RNFT2: variants seen among roughly 807,000 people sequenced by gnomAD.
The protein encoded by RNFT2 is ring finger protein, transmembrane 2, also known as E3 ubiquitin-protein ligase RNFT2.
Under a neutral mutation model 53.0 loss-of-function variants are expected in RNFT2, and 36 were observed. The ratio of observed to expected loss-of-function variants is 0.68; its 90% CI spans 0.52 to 0.90. The LOEUF is 0.90. Among genes scored for constraint, RNFT2 ranks in the 40% least tolerant of loss-of-function variants. The pLI is 0.00. For synonymous variants in RNFT2, 260 were observed against 253.2 expected, an observed-to-expected ratio of 1.03 and a Z score of -0.26; for missense variants, 514 against 585.6, an observed-to-expected ratio of 0.88 and a Z score of 1.26.
intron 7 of RNFT2, among the ~76,000 whole-genome samples, chr12:116,800,468 C>A (rs982631937): frequency 7.4e-5 from 11 of 148,512 alleles, no homozygotes; most frequent in African/African-American, 2.7e-4. Flanking sequence ...CTTTTCTCTA[C>A]TATAAATATA....
intron 7 of RNFT2, among the ~76,000 whole-genome samples, chr12:116,816,563 C>T (rs1407223984): frequency 6.6e-6 from 1 of 152,096 alleles, no homozygotes. Context: ...TAGTGAGTGT[C>T]CAGTTATCTA....
chr12:116,833,387 C>G (rs116353608), intron 7 of RNFT2, among the ~76,000 whole-genome samples: 1 of 152,340 alleles, frequency 6.6e-6, no homozygotes, highest in South Asian at 2.1e-4. Flanking sequence ...CTGTGATGCT[C>G]GAGTCAGCCC....
intron 3 of RNFT2, among the ~76,000 whole-genome samples, chr12:116,741,888 C>A (rs181481118): frequency 6.6e-6 from 1 of 152,086 alleles, no homozygotes; most frequent in South Asian, 2.1e-4. Flanking sequence ...TGGGCTCAAG[C>A]GATCTTCCTA....
intron 7 of RNFT2, among the ~76,000 whole-genome samples, chr12:116,832,898 C>CTTTTTTTTTT (rs71095601): frequency 2.4e-5 from 2 of 84,776 alleles, no homozygotes; most frequent in Non-Finnish European, 4.1e-5. Context: ...AAGTCGTGTT[C>CTTTTTTTTTT]TTTTTTTTTT....
chr12:116,755,885 T>C (rs1053008867), intron 5 of RNFT2: 1 of 1,473,802 alleles, frequency 6.8e-7, no homozygotes, highest in Non-Finnish European at 9.4e-7. Flanking sequence ...TTTGGCGAAT[T>C]ACTAGAAGAT....
chr12:116,787,333 T>C (rs538424059), intron 7 of RNFT2, among the ~76,000 whole-genome samples: 2 of 152,342 alleles, frequency 1.3e-5, no homozygotes, highest in Non-Finnish European at 2.9e-5. Context: ...CATGGTGCCT[T>C]GAGCAAGTCG....
intron 7 of RNFT2, among the ~76,000 whole-genome samples, chr12:116,817,044 G>A (rs1240706803): frequency 3.3e-5 from 5 of 152,038 alleles, no homozygotes; most frequent in African/African-American, 1.2e-4. Context: ...ATGGAGTCTC[G>A]CTCTGTCGCC....
chr12:116,744,401 G>C (rs1871800207), intron 3 of RNFT2, among the ~76,000 whole-genome samples: 1 of 152,120 alleles, frequency 6.6e-6, no homozygotes, highest in Non-Finnish European at 1.5e-5. Flanking sequence ...AGCACAGCAG[G>C]AAACTCAAAC....
At chr12:116,846,283 T>C (rs562254763) in intron 10 of RNFT2, among the ~76,000 whole-genome samples, 4 of 152,254 alleles carry the variant, frequency 2.6e-5, no homozygotes, top group African/African-American at 4.8e-5. Context: ...ATATTATTGT[T>C]ATTTTTTTAG....
Position 116,806,381 on chromosome 12 carries a change from A to AATATATAT in RNFT2, c.882+27045_882+27052dup, listed in dbSNP as rs1250359544. Among the ~76,000 whole-genome samples the AATATATAT allele has an allele frequency of 4.5e-5, 6 of 133,484 alleles. No homozygotes were observed. In the South Asian group the frequency reaches 1.2e-3, roughly 26 times the overall value. 87.6% of individuals were successfully genotyped at this position (133,484 alleles called of 152,430 possible). On this transcript the variant is annotated intron_variant, in intron 7 of 10. Coordinates refer to ENST00000257575, the MANE Select transcript of RNFT2 (RefSeq NM_001382266.1). ...TGAGACTGTCTCAAAAAAAAAAAAA[A>AATATATAT]ATATATATATATATATATAGATAGA...
intron 7 of RNFT2, among the ~76,000 whole-genome samples, chr12:116,814,688 T>C (rs115957192): frequency 0.014 from 2,123 of 152,086 alleles, 57 homozygotes; most frequent in African/African-American, 0.048. Context: ...ATTTTTTTTT[T>C]TTTCCGACAG....
intron 3 of RNFT2, among the ~76,000 whole-genome samples, chr12:116,749,163 G>T (rs1179394416): frequency 6.6e-6 from 1 of 152,088 alleles, no homozygotes; most frequent in Admixed American, 6.5e-5. Flanking sequence ...TGAGATCAGG[G>T]TATCAGCAGG....
At position 116,835,818 on chromosome 12, in the gene RNFT2, A is replaced by G. The variant is rs776007412; in HGVS notation, c.1033-142A>G. ...AGCCATGCAACACTGTTGGGAAGGA[A>G]GAAGTGCAAATGAGAAGAGGAGCCC... On this transcript the variant is annotated intron_variant, in intron 8 of 10. Transcript: ENST00000257575. The G allele has an allele frequency of 3.0e-4, 232 of 766,024 alleles. 3 individuals are homozygous for G. Among genetic ancestry groups the G allele is most frequent in the Admixed American group, 1.9e-4 (8 of 43,002 alleles). 47.5% of individuals were successfully genotyped at this position (766,024 alleles called of 1,614,324 possible).
chr12:116,759,259 A>G lies in RNFT2; in HGVS notation c.627+5199A>G, dbSNP rs1349059554. On this transcript the variant is annotated intron_variant, in intron 5 of 10. Transcript: ENST00000257575. Reference sequence around the variant, plus strand: ...TATTTCCTTGAATATTTCTCCCTTCACTTCTTGTATCATATTTTGGAATTC... The same window carrying G: ...TATTTCCTTGAATATTTCTCCCTTCGCTTCTTGTATCATATTTTGGAATTC... Among the ~76,000 whole-genome samples, 8 of 151,698 alleles carry G rather than the reference A, an allele frequency of 5.3e-5. No homozygotes were observed. In the East Asian group the frequency reaches 1.5e-3, roughly 29 times the overall value.
At chr12:116,846,560 G>T (rs1452221202) in intron 10 of RNFT2, among the ~76,000 whole-genome samples, 4 of 151,368 alleles carry the variant, frequency 2.6e-5, no homozygotes, top group Admixed American at 6.6e-5. Flanking sequence ...AAAGTGCTGG[G>T]GTTATAGGCA....
At position 116,833,823 on chromosome 12, in the gene RNFT2, G is replaced by A. The variant is rs770731716; in HGVS notation, c.914G>A (p.Ser305Asn). 1 of 1,613,204 alleles carries A rather than the reference G, an allele frequency of 6.2e-7. No homozygotes were observed. The highest frequency in any genetic ancestry group is 1.1e-5 in the South Asian group (1 of 90,912). Residue 305 changes from serine to asparagine, a missense_variant, in exon 8 of 11, where the codon AGC becomes AAC. Ser to Asn is a conservative substitution (Grantham distance 46). Around this residue, in one of 3 missense-constraint regions of RNFT2, gnomAD observed 273 missense variants for 334.4 expected, o/e 0.82. Coordinates refer to ENST00000257575, the MANE Select transcript of RNFT2 (RefSeq NM_001382266.1). ...GKFYLVIEEL[S>N]QLFRSLVPIQ... ...TTCTATCTGGTCATCGAGGAGCTGA[G>A]CCAGCTGTTCCGATCCCTTGTCCCC...
intron 8 of RNFT2, among the ~76,000 whole-genome samples, chr12:116,834,533 TA>T (rs1470164086): frequency 6.6e-6 from 1 of 152,124 alleles, no homozygotes; most frequent in Non-Finnish European, 1.5e-5. Flanking sequence ...TGAAAAGAAA[TA>T]CCCATTAAGC....
At chr12:116,778,395 T>G (rs1443037205) in intron 6 of RNFT2, among the ~76,000 whole-genome samples, 2 of 152,226 alleles carry the variant, frequency 1.3e-5, no homozygotes, top group Admixed American at 6.5e-5. Flanking sequence ...GATTAGTTCC[T>G]GTGAGGGTGG....
Position 116,853,423 on chromosome 12 carries a change from T to C in RNFT2, c.*3975T>C, listed in dbSNP as rs1878020129. 2.6e-6 allele frequency: 1 copy of C among 379,932 alleles called. No homozygotes were observed. Among genetic ancestry groups the C allele is most frequent in the Non-Finnish European group, 4.7e-6 (1 of 214,816 alleles). 23.5% of individuals were successfully genotyped at this position (379,932 alleles called of 1,614,324 possible). ...AGGCAAGCTTTGGACACAGATATGA[T>C]AGGTGCATCAGCTTCGGAAGAGAAG... On this transcript the variant is annotated 3_prime_UTR_variant, in exon 11 of 11. Coordinates refer to ENST00000257575, the MANE Select transcript of RNFT2 (RefSeq NM_001382266.1).
Sources: gnomAD v4.1 joint callset for allele counts (sites outside exome capture counted in the v4.1 genomes callset) on GRCh38, gnomAD v4.1.1 for gene constraint, gnomAD v4.1.1 regional missense constraint, MANE v1.5 for transcripts, NCBI Gene and HGNC (gene_info 2026-07-23, HGNC 2026-07-21) for gene names.